NUBPL: variants seen among roughly 807,000 people sequenced by gnomAD.
NUBPL encodes iron-sulfur cluster transfer protein NUBPL.
Under a neutral mutation model 45.7 loss-of-function variants are expected in NUBPL, and 31 were observed. The ratio of observed to expected loss-of-function variants is 0.68; its 90% CI spans 0.51 to 0.92. The LOEUF is 0.92. Ranked by LOEUF, NUBPL falls within the 40% of genes least tolerant of loss-of-function variation. NUBPL has a pLI of 0.00. For synonymous variants in NUBPL, 144 were observed against 140.9 expected (o/e 1.02, Z -0.15); for missense variants, 401 against 398.7 (o/e 1.01, Z -0.05).
intron 9 of NUBPL, among the ~76,000 whole-genome samples, chr14:31,846,968 AAAC>A (rs911420443): frequency 1.3e-5 from 2 of 152,072 alleles, no homozygotes; most frequent in African/African-American, 4.8e-5. Flanking sequence ...AAAAAACAAA[AAAC>A]AAAAAACAGT....
chr14:31,783,564 G>A (rs1268224562), intron 6 of NUBPL, among the ~76,000 whole-genome samples: 1 of 150,300 alleles, frequency 6.7e-6, no homozygotes, highest in East Asian at 1.9e-4. Context: ...GTCACCCAGG[G>A]TGGAATGCAG....
chr14:31,668,612 C>G (rs939283077), intron 4 of NUBPL, among the ~76,000 whole-genome samples: 3 of 152,186 alleles, frequency 2.0e-5, no homozygotes, highest in African/African-American at 7.2e-5. Flanking sequence ...TGAAAAAACA[C>G]TCCTGCAGCT....
At chr14:31,656,656 T>A (rs1262228704) in intron 4 of NUBPL, among the ~76,000 whole-genome samples, 1 of 152,168 alleles carries the variant, frequency 6.6e-6, no homozygotes, top group Non-Finnish European at 1.5e-5. Context: ...TGAATAGGTT[T>A]GCATCTTATG....
At chr14:31,599,772 G>T (rs1422835965) in intron 4 of NUBPL, among the ~76,000 whole-genome samples, 2 of 152,088 alleles carry the variant, frequency 1.3e-5, no homozygotes, top group African/African-American at 4.8e-5. Flanking sequence ...GTTAAATCAA[G>T]GAATAGGTGT....
intron 4 of NUBPL, chr14:31,662,158 A>C (rs1292094198): frequency 6.6e-6 from 1 of 152,048 alleles, no homozygotes; most frequent in Non-Finnish European, 1.5e-5. Flanking sequence ...TAAATTTTAA[A>C]GAAACACATT....
rs184272076 is a variant in NUBPL at position 31,821,066 on chromosome 14, T to C, written c.608-5563T>C. 1.2e-4 allele frequency among the ~76,000 whole-genome samples: 18 copies of C among 152,084 alleles called. No individual in the cohort carries two copies. In the East Asian group the frequency reaches 3.1e-3, roughly 26 times the overall value. On this transcript the variant is annotated intron_variant, in intron 7 of 10. Transcript: ENST00000281081. Reference sequence around the variant, plus strand: ...TGAACCCTGGAGGCGGAGGTTGCGGTGAGCTGAGATTATGCCATTGCACTC... The same window carrying C: ...TGAACCCTGGAGGCGGAGGTTGCGGCGAGCTGAGATTATGCCATTGCACTC...
intron 6 of NUBPL, among the ~76,000 whole-genome samples, chr14:31,731,993 G>C (rs1400090214): frequency 6.6e-6 from 1 of 151,760 alleles, no homozygotes; most frequent in Non-Finnish European, 1.5e-5. Flanking sequence ...ACGAGGTCAG[G>C]AGAGCTAGAC....
intron 6 of NUBPL, among the ~76,000 whole-genome samples, chr14:31,707,057 C>A (rs1005154607): frequency 1.3e-5 from 2 of 152,162 alleles, no homozygotes; most frequent in Non-Finnish European, 2.9e-5. Flanking sequence ...TTAGTGAATA[C>A]CCATTGTGTC....
At chr14:31,607,139 G>A (rs888758314) in intron 4 of NUBPL, among the ~76,000 whole-genome samples, 1 of 152,130 alleles carries the variant, frequency 6.6e-6, no homozygotes, top group Non-Finnish European at 1.5e-5. Context: ...CTAGCACTTC[G>A]TGAGGCCGAG....
chr14:31,739,055 C>T (rs1182766410), intron 6 of NUBPL, among the ~76,000 whole-genome samples: 1 of 150,806 alleles, frequency 6.6e-6, no homozygotes, highest in Non-Finnish European at 1.5e-5. Flanking sequence ...TTCTTGTCAC[C>T]CAGGCTGGAG....
chr14:31,638,095 G>A, intron 4 of NUBPL, among the ~76,000 whole-genome samples: 1 of 152,008 alleles, frequency 6.6e-6, no homozygotes, highest in Middle Eastern at 3.4e-3. Context: ...TACATTTAAA[G>A]TTAATATTGT....
chr14:31,798,791 CAAAAAAAAAAAAAA>C (rs1164176250), intron 7 of NUBPL, among the ~76,000 whole-genome samples: 1 of 53,504 alleles, frequency 1.9e-5, no homozygotes, highest in African/African-American at 9.7e-5. Flanking sequence ...GACTCCGTCT[CAAAAAAAAAAAAAA>C]AAAAAAAAAA....
chr14:31,575,756 A>G (rs1041563187), intron 3 of NUBPL, among the ~76,000 whole-genome samples: 5 of 152,238 alleles, frequency 3.3e-5, no homozygotes, highest in Admixed American at 6.5e-5. Context: ...AATACAATAC[A>G]TAACATTTCT....
At chr14:31,709,738 G>C (rs1367587253) in intron 6 of NUBPL, among the ~76,000 whole-genome samples, 9 of 152,206 alleles carry the variant, frequency 5.9e-5, no homozygotes, top group Non-Finnish European at 1.3e-4. Flanking sequence ...CATGTACCCA[G>C]GTTGGGCCAA....
chr14:31,641,574 A>T (rs1390555981), intron 4 of NUBPL, among the ~76,000 whole-genome samples: 2 of 152,156 alleles, frequency 1.3e-5, no homozygotes, highest in African/African-American at 4.8e-5. Flanking sequence ...GTTTATCCAT[A>T]TGCCTATTGA....
chr14:31,615,180 C>CCT (rs374297593), intron 4 of NUBPL, among the ~76,000 whole-genome samples: 9 of 151,468 alleles, frequency 5.9e-5, no homozygotes, highest in Non-Finnish European at 1.2e-4. Context: ...TGGCACTTCC[C>CCT]CTCTCTCTCT....
intron 6 of NUBPL, among the ~76,000 whole-genome samples, chr14:31,716,179 A>G (rs1344540871): frequency 1.3e-5 from 2 of 152,188 alleles, no homozygotes; most frequent in African/African-American, 2.4e-5. Flanking sequence ...TATGATAACA[A>G]TGCCTTCTTC....
At chr14:31,835,614 T>G (rs1334088215) in intron 8 of NUBPL, among the ~76,000 whole-genome samples, 2 of 152,292 alleles carry the variant, frequency 1.3e-5, no homozygotes, top group East Asian at 3.9e-4. Flanking sequence ...AGATTAAGAA[T>G]GCAGGACATA....
intron 6 of NUBPL, among the ~76,000 whole-genome samples, chr14:31,687,504 C>G (rs1322776927): frequency 6.6e-6 from 1 of 152,154 alleles, no homozygotes; most frequent in Non-Finnish European, 1.5e-5. Context: ...AGATGTAGTA[C>G]TACGTTATAA....
Sources: gnomAD v4.1 joint callset for allele counts (sites outside exome capture counted in the v4.1 genomes callset) on GRCh38, gnomAD v4.1.1 for gene constraint, MANE v1.5 for transcripts, NCBI Gene and HGNC (gene_info 2026-07-23, HGNC 2026-07-21) for gene names.